PRICKLE2: variants seen among roughly 807,000 people sequenced by gnomAD.
The protein encoded by PRICKLE2 is prickle-like protein 2.
A neutral mutation model predicts 81.4 loss-of-function variants in PRICKLE2; 21 were observed. That is an observed-to-expected ratio of 0.26 (90% CI 0.18 to 0.37). The LOEUF (loss-of-function observed/expected upper bound fraction) is 0.37. Ranked by LOEUF, PRICKLE2 falls within the 10% of genes least tolerant of loss-of-function variation. The pLI is 1.00. For synonymous variants in PRICKLE2, 456 were observed against 421.5 expected, an observed-to-expected ratio of 1.08 and a Z score of -1.00; for missense variants, 940 against 1,109.0, an observed-to-expected ratio of 0.85 and a Z score of 2.16.
At chr3:64,208,023 C>G (rs573755543) in intron 1 of PRICKLE2, among the ~76,000 whole-genome samples, 1 of 152,202 alleles carries the variant, frequency 6.6e-6, no homozygotes, top group Non-Finnish European at 1.5e-5. Context: ...TCTTCACATG[C>G]ACGCACAACA....
Position 64,146,865 on chromosome 3 carries a change from C to G in PRICKLE2, c.1625G>C (p.Gly542Ala). Residue 542 changes from glycine to alanine, a missense_variant, in exon 7 of 8, where the codon GGC becomes GCC. Physicochemically the swap from Gly to Ala is moderately conservative, Grantham distance 60 (BLOSUM62 0). Around this residue, in one of 2 missense-constraint regions of PRICKLE2, gnomAD observed 670 missense variants for 717.2 expected, o/e 0.93. Transcript: ENST00000638394. ...DMTPTEQTPR[G>A]SMESLALSNA... ...AGACAGGGCCAGGGATTCCATGGAG[C>G]CCCGAGGGGTCTGCTCTGTGGGCGT... 6.2e-7 allele frequency: 1 copy of G among 1,614,140 alleles called. No individual in the cohort carries two copies. Among genetic ancestry groups the G allele is most frequent in the Non-Finnish European group, 8.5e-7 (1 of 1,180,028 alleles).
At chr3:64,133,982 C>T (rs996402243) in intron 7 of PRICKLE2, among the ~76,000 whole-genome samples, 4 of 152,208 alleles carry the variant, frequency 2.6e-5, no homozygotes, top group East Asian at 3.9e-4. Context: ...AGCAACTGGC[C>T]GAGACAGAGT....
At chr3:64,150,335 C>T (rs2077525169) in intron 6 of PRICKLE2, among the ~76,000 whole-genome samples, 1 of 152,044 alleles carries the variant, frequency 6.6e-6, no homozygotes, top group Non-Finnish European at 1.5e-5. Flanking sequence ...GTTTTGGTCT[C>T]CCCATCAGTA....
intron 7 of PRICKLE2, among the ~76,000 whole-genome samples, chr3:64,140,073 C>T (rs2077337178): frequency 6.6e-6 from 1 of 152,198 alleles, no homozygotes; most frequent in African/African-American, 2.4e-5. Flanking sequence ...ATACTAATAC[C>T]AACCAGTATT....
chr3:64,222,572 C>G (rs1218196322), intron 1 of PRICKLE2, among the ~76,000 whole-genome samples: 2 of 152,270 alleles, frequency 1.3e-5, no homozygotes, highest in East Asian at 3.9e-4. Flanking sequence ...TGACACAAAA[C>G]AAAAGCAGAC....
At chr3:64,239,584 T>G (rs191168936) in intron 2 of PRICKLE2, among the ~76,000 whole-genome samples, 164 of 152,166 alleles carry the variant, frequency 1.1e-3, no homozygotes, top group African/African-American at 3.7e-3. Flanking sequence ...TATCAGGCAC[T>G]CCCAGCCACA....
At chr3:64,176,957 A>G (rs2078034966) in intron 2 of PRICKLE2, among the ~76,000 whole-genome samples, 1 of 152,086 alleles carries the variant, frequency 6.6e-6, no homozygotes, top group Non-Finnish European at 1.5e-5. Context: ...AAGGGCCTAT[A>G]TTATGCCACT....
At chr3:64,238,768 C>T (rs1559598377) in intron 2 of PRICKLE2, among the ~76,000 whole-genome samples, 1 of 152,150 alleles carries the variant, frequency 6.6e-6, no homozygotes, top group Non-Finnish European at 1.5e-5. Flanking sequence ...CATGGGTTTT[C>T]TGAATTATAT....
At chr3:64,100,500 G>A (rs558780519) in intron 7 of PRICKLE2, 2 of 157,098 alleles carry the variant, frequency 1.3e-5, no homozygotes, top group African/African-American at 4.8e-5. Flanking sequence ...GACACTAAGT[G>A]ACTCCCTAGA....
At chr3:64,137,298 C>T (rs2077292484) in intron 7 of PRICKLE2, among the ~76,000 whole-genome samples, 1 of 152,120 alleles carries the variant, frequency 6.6e-6, no homozygotes, top group Non-Finnish European at 1.5e-5. Context: ...AATGTTCACA[C>T]ATTCTTAAAA....
chr3:64,258,384 T>C (rs2079559356), intron 2 of PRICKLE2, among the ~76,000 whole-genome samples: 1 of 152,128 alleles, frequency 6.6e-6, no homozygotes, highest in African/African-American at 2.4e-5. Flanking sequence ...ATACAACAAC[T>C]AAAATGAAGG....
chr3:64,180,811 G>A (rs1404668392), intron 2 of PRICKLE2, among the ~76,000 whole-genome samples: 1 of 152,204 alleles, frequency 6.6e-6, no homozygotes, highest in Non-Finnish European at 1.5e-5. Context: ...AGGATTACAG[G>A]TGTGAGCCAC....
intron 1 of PRICKLE2, among the ~76,000 whole-genome samples, chr3:64,220,369 A>T (rs1218391608): frequency 6.6e-6 from 1 of 151,920 alleles, no homozygotes; most frequent in Admixed American, 6.6e-5. Context: ...AGACAATAGC[A>T]CTCCCAGTGT....
intron 2 of PRICKLE2, among the ~76,000 whole-genome samples, chr3:64,265,549 A>G (rs1324847503): frequency 6.6e-6 from 1 of 152,208 alleles, no homozygotes; most frequent in Non-Finnish European, 1.5e-5. Context: ...GGTTTTCTAA[A>G]TTATTTTTAA....
At chr3:64,149,975 T>C (rs2077518794) in intron 6 of PRICKLE2, among the ~76,000 whole-genome samples, 1 of 147,906 alleles carries the variant, frequency 6.8e-6, no homozygotes, top group South Asian at 2.2e-4. Flanking sequence ...CCATCTTTTT[T>C]TTTTTTTTTT....
chr3:64,182,235 C>A (rs1365849521), intron 2 of PRICKLE2, among the ~76,000 whole-genome samples: 1 of 152,176 alleles, frequency 6.6e-6, no homozygotes, highest in African/African-American at 2.4e-5. Flanking sequence ...CACCTGTAAT[C>A]TCAGCACTCT....
At chr3:64,134,569 G>A (rs572859588) in intron 7 of PRICKLE2, among the ~76,000 whole-genome samples, 15 of 147,798 alleles carry the variant, frequency 1.0e-4, no homozygotes, top group African/African-American at 3.2e-4. Context: ...CCTACCAGAC[G>A]CCTGTAGTGT....
chr3:64,141,927 A>G (rs2077368408), intron 7 of PRICKLE2: 6 of 985,166 alleles, frequency 6.1e-6, no homozygotes, highest in Non-Finnish European at 6.0e-6. Flanking sequence ...CTTTTGTGGC[A>G]CGTACCTGGT....
chr3:64,131,793 T>A (rs2077200860), intron 7 of PRICKLE2, among the ~76,000 whole-genome samples: 1 of 152,218 alleles, frequency 6.6e-6, no homozygotes, highest in African/African-American at 2.4e-5. Flanking sequence ...CCCGACCTAC[T>A]GCCTCTTTGT....
Sources: gnomAD v4.1 joint callset for allele counts (sites outside exome capture counted in the v4.1 genomes callset) on GRCh38, gnomAD v4.1.1 for gene constraint, gnomAD v4.1.1 regional missense constraint, MANE v1.5 for transcripts, NCBI Gene and HGNC (gene_info 2026-07-23, HGNC 2026-07-21) for gene names.